YES1: variants seen among roughly 807,000 people sequenced by gnomAD.
YES1 encodes the protein YES proto-oncogene 1, Src family tyrosine kinase.
YES1 carries 39 observed loss-of-function variants against 70.4 expected under a neutral mutation model. The ratio of observed to expected loss-of-function variants is 0.55; its 90% CI spans 0.43 to 0.72. The LOEUF (loss-of-function observed/expected upper bound fraction) is 0.72, where lower values mean the gene tolerates loss of function less well. YES1 is among the 30% of genes least tolerant of loss of function. The pLI is 0.00. For missense variants in YES1, 495 were observed against 644.8 expected (o/e 0.77, Z 2.52); for synonymous variants, 198 against 218.6 (o/e 0.91, Z 0.83).
At chr18:775,128 G>A (rs1296429278) in intron 1 of YES1, 2 of 152,082 alleles carry the variant, frequency 1.3e-5, no homozygotes, top group Non-Finnish European at 2.9e-5. Flanking sequence ...AAATATAAAA[G>A]TAAACCTCAT....
chr18:784,201 T>C lies in YES1; in HGVS notation c.-8-27366A>G, dbSNP rs1354360887. 2.0e-5 allele frequency among the ~76,000 whole-genome samples: 3 copies of C among 152,206 alleles called. No homozygotes were observed. The East Asian group carries it at 5.8e-4, about 29-fold the overall frequency. ...GAAGAATTAAGATGAATAATTATTG[T>C]TTTCATTACAAGTTTTCTATATGCT... On this transcript the variant is annotated intron_variant, in intron 1 of 11. Transcript: ENST00000314574.
intron 6 of YES1, among the ~76,000 whole-genome samples, chr18:745,238 T>C (rs1029257413): frequency 1.3e-5 from 2 of 152,154 alleles, no homozygotes; most frequent in East Asian, 1.9e-4. Flanking sequence ...ATGTCTATAA[T>C]TGCTATAGGT....
intron 2 of YES1, among the ~76,000 whole-genome samples, chr18:756,248 A>G (rs1486681628): frequency 6.7e-6 from 1 of 149,774 alleles, no homozygotes; most frequent in African/African-American, 2.5e-5. Flanking sequence ...GGAAAGGTAT[A>G]TGTTTTTAAT....
At chr18:738,512 A>C (rs1280022588) in intron 9 of YES1, 1 of 151,760 alleles carries the variant, frequency 6.6e-6, no homozygotes, top group East Asian at 2.0e-4. Context: ...AACACGGTGA[A>C]ACCCCGTCCC....
intron 10 of YES1, among the ~76,000 whole-genome samples, chr18:734,316 A>G (rs1022804244): frequency 2.6e-5 from 4 of 151,880 alleles, no homozygotes; most frequent in Admixed American, 6.6e-5. Context: ...GCACTTTGGG[A>G]GGCCGAGGTG....
intron 1 of YES1, among the ~76,000 whole-genome samples, chr18:805,193 G>A (rs894987030): frequency 1.3e-5 from 2 of 151,996 alleles, no homozygotes; most frequent in Non-Finnish European, 2.9e-5. Flanking sequence ...ACAAACCTAC[G>A]TGGTATAGCT....
intron 4 of YES1, 35 bp downstream of exon 4, chr18:747,885 C>A: frequency 6.3e-7 from 1 of 1,594,032 alleles, no homozygotes; most frequent in Non-Finnish European, 8.6e-7. Flanking sequence ...TTTCAAAAAT[C>A]AAAATAATTA....
chr18:806,674 A>C (rs190388843), intron 1 of YES1, among the ~76,000 whole-genome samples: 6 of 152,364 alleles, frequency 3.9e-5, no homozygotes, highest in African/African-American at 1.2e-4. Context: ...ACAAGCATGG[A>C]AAGAAATAAT....
At chr18:746,797 A>G (rs1379053550) in intron 4 of YES1, among the ~76,000 whole-genome samples, 3 of 152,240 alleles carry the variant, frequency 2.0e-5, no homozygotes, top group African/African-American at 4.8e-5. Flanking sequence ...AAAAGTTGCA[A>G]AAATAGGACA....
intron 1 of YES1, among the ~76,000 whole-genome samples, chr18:769,992 G>A (rs1483580440): frequency 6.9e-6 from 1 of 145,328 alleles, no homozygotes; most frequent in Non-Finnish European, 1.5e-5. Context: ...TTGCTCTATC[G>A]CCCAGACTGG....
In YES1 at chr18:737,142, C is replaced by T. The variant is rs1268070158; in HGVS notation, c.1138-181G>A. 3 of 571,644 alleles carry T rather than the reference C, an allele frequency of 5.2e-6. No individual in the cohort carries two copies. In the East Asian group the frequency reaches 9.3e-5, roughly 18 times the overall value. 35.4% of individuals were successfully genotyped at this position (571,644 alleles called of 1,614,324 possible). A position where few individuals can be genotyped will look rare whatever the true frequency, so the allele number is the denominator to read the frequency against. On this transcript the variant is annotated intron_variant, in intron 9 of 11. Coordinates refer to ENST00000314574, the MANE Select transcript of YES1 (RefSeq NM_005433.4). ...CCAGAAAACATAATAAAAATGCAGG[C>T]TAAATTCAGATTTCAAAAATCTAAC...
intron 1 of YES1, among the ~76,000 whole-genome samples, chr18:802,930 A>C (rs908020990): frequency 6.6e-6 from 1 of 152,168 alleles, no homozygotes; most frequent in Non-Finnish European, 1.5e-5. Flanking sequence ...CTAAAAAAAA[A>C]TAAAAATAAA....
chr18:800,608 G>A (rs1906769861), intron 1 of YES1, among the ~76,000 whole-genome samples: 1 of 152,148 alleles, frequency 6.6e-6, no homozygotes, highest in Non-Finnish European at 1.5e-5. Context: ...AGAAATAAAA[G>A]GAAGCCAAAG....
At chr18:736,355 T>C (rs1019210195) in intron 10 of YES1, 1 of 156,454 alleles carries the variant, frequency 6.4e-6, no homozygotes, top group Non-Finnish European at 1.4e-5. Flanking sequence ...TGCCTGCACA[T>C]TTCTGTACAC....
intron 2 of YES1, 93 bp downstream of exon 2, chr18:756,464 A>C: frequency 2.7e-6 from 4 of 1,469,736 alleles, no homozygotes; most frequent in Non-Finnish European, 3.7e-6. Context: ...TCCTCAAGTA[A>C]GATATCTTTC....
At chr18:795,517 ATG>A (rs1906491231) in intron 1 of YES1, among the ~76,000 whole-genome samples, 1 of 152,164 alleles carries the variant, frequency 6.6e-6, no homozygotes, top group Non-Finnish European at 1.5e-5. Flanking sequence ...ATCCCCATCA[ATG>A]ATAGACTGGA....
At chr18:756,458 CAAGT>C (rs1443626705) in intron 2 of YES1, 95 bp downstream of exon 2, 4 of 1,436,588 alleles carry the variant, frequency 2.8e-6, no homozygotes, top group Non-Finnish European at 3.8e-6. Context: ...GAAAAGTCCT[CAAGT>C]AAGATATCTT....
At chr18:742,834 A>C in intron 8 of YES1, 84 bp downstream of exon 8, 1 of 1,104,382 alleles carries the variant, frequency 9.1e-7, no homozygotes, top group Non-Finnish European at 1.2e-6. Flanking sequence ...TTAAATTAGA[A>C]AACAGTATAA....
intron 1 of YES1, among the ~76,000 whole-genome samples, chr18:765,284 A>ATATATATATATC (rs1568204802): frequency 1.6e-4 from 20 of 126,430 alleles, no homozygotes; most frequent in African/African-American, 5.7e-4. Flanking sequence ...ATATATATAT[A>ATATATATATATC]TATATATATC....
Sources: gnomAD v4.1 joint callset for allele counts (sites outside exome capture counted in the v4.1 genomes callset) on GRCh38, gnomAD v4.1.1 for gene constraint, MANE v1.5 for transcripts, NCBI Gene and HGNC (gene_info 2026-07-23, HGNC 2026-07-21) for gene names.